Variants in SORBS2 observed in about 807,000 individuals in gnomAD.
The protein encoded by SORBS2 is sorbin and SH3 domain-containing protein 2.
Under a neutral mutation model 97.7 loss-of-function variants are expected in SORBS2, and 46 were observed. The ratio of observed to expected loss-of-function variants is 0.47; its 90% CI spans 0.37 to 0.60. SORBS2 has a LOEUF of 0.60. Among genes scored for constraint, SORBS2 ranks in the 20% least tolerant of loss-of-function variants. SORBS2 has a pLI of 0.00. For missense variants in SORBS2, 1,316 were observed against 1,282.3 expected, an observed-to-expected ratio of 1.03 and a Z score of -0.40; for synonymous variants, 476 against 473.4, an observed-to-expected ratio of 1.01 and a Z score of -0.07.
Position 185,924,913 on chromosome 4 carries a change from C to A in SORBS2, c.-338+31283G>T, listed in dbSNP as rs897195. Among the ~76,000 whole-genome samples, 847 of 152,228 alleles carry A rather than the reference C, an allele frequency of 5.6e-3. 9 individuals are homozygous for A. Among genetic ancestry groups the A allele is most frequent in the African/African-American group, 0.02 (811 of 41,540 alleles). ...GTGTCCGTGTCATTAATCCTATCGGCGTGAGACCAAGAACCCTGGTGTTCC... is the reference window on the plus strand; with the variant it reads ...GTGTCCGTGTCATTAATCCTATCGGAGTGAGACCAAGAACCCTGGTGTTCC... On this transcript the variant is annotated intron_variant, in intron 1 of 20. Coordinates refer to the SORBS2 transcript ENST00000284776.
intron 1 of SORBS2, chr4:185,894,239 G>T (rs1490335802): frequency 7.2e-6 from 1 of 139,762 alleles, no homozygotes; most frequent in Non-Finnish European, 1.5e-5. Flanking sequence ...AGAGCAAAAG[G>T]ATCAAACACA....
chr4:185,625,680 G>T (rs1581242948), intron 6 of SORBS2, among the ~76,000 whole-genome samples: 1 of 152,350 alleles, frequency 6.6e-6, no homozygotes, highest in East Asian at 1.9e-4. Flanking sequence ...AGTTGAATCT[G>T]ATAAGGCATC....
chr4:185,937,169 CAGTG>C (rs75789532), intron 1 of SORBS2, among the ~76,000 whole-genome samples: 12,366 of 151,636 alleles, frequency 0.082, 564 homozygotes, highest in Non-Finnish European at 0.11. Context: ...GTGCTTCTGC[CAGTG>C]AGTGAGTGAG....
chr4:185,881,852 T>C (rs1579309972), intron 1 of SORBS2, among the ~76,000 whole-genome samples: 1 of 152,170 alleles, frequency 6.6e-6, no homozygotes, highest in African/African-American at 2.4e-5. Flanking sequence ...AAGTATAAAA[T>C]TGTTAATGTT....
intron 5 of SORBS2, among the ~76,000 whole-genome samples, chr4:185,629,463 C>T (rs2096869693): frequency 6.6e-6 from 1 of 151,114 alleles, no homozygotes; most frequent in Non-Finnish European, 1.5e-5. Context: ...ATTAATGCTA[C>T]TAGATAAATA....
intron 3 of SORBS2, among the ~76,000 whole-genome samples, chr4:185,648,521 C>T (rs1296926670): frequency 1.3e-5 from 2 of 151,702 alleles, no homozygotes; most frequent in Admixed American, 6.6e-5. Context: ...CAGGCATGAG[C>T]CACCACGCCT....
At chr4:185,627,481 G>A (rs1439657052) in intron 5 of SORBS2, among the ~76,000 whole-genome samples, 3 of 152,218 alleles carry the variant, frequency 2.0e-5, no homozygotes, top group African/African-American at 7.2e-5. Context: ...GTCTCCTGAA[G>A]TGTTGGGATT....
chr4:185,786,749 G>T (rs1378332631), intron 1 of SORBS2, among the ~76,000 whole-genome samples: 1 of 152,134 alleles, frequency 6.6e-6, no homozygotes, highest in Non-Finnish European at 1.5e-5. Context: ...ATCACTTGAG[G>T]TCAGGAGTTC....
At chr4:185,678,063 G>T (rs533129721) in intron 4 of SORBS2, among the ~76,000 whole-genome samples, 9 of 152,098 alleles carry the variant, frequency 5.9e-5, no homozygotes, top group Non-Finnish European at 1.2e-4. Context: ...AGCCCTTTTA[G>T]TTAATATAAT....
chr4:185,774,988 A>G (rs1033037799), intron 2 of SORBS2: 12 of 151,840 alleles, frequency 7.9e-5, no homozygotes, highest in African/African-American at 2.9e-4. Context: ...CCTCTGATCC[A>G]TGGCTTAGTC....
chr4:185,877,883 A>AAAAGAAAG (rs2099234530), intron 1 of SORBS2, among the ~76,000 whole-genome samples: 1 of 145,176 alleles, frequency 6.9e-6, no homozygotes, highest in African/African-American at 2.6e-5. Context: ...ACAAAAAAAA[A>AAAAGAAAG]AAAGAAAGAA....
Position 185,756,429 on chromosome 4 carries a change from T to TTC in SORBS2, c.-198+18796_-198+18797dup, listed in dbSNP as rs375987196. 3.3e-4 allele frequency among the ~76,000 whole-genome samples: 51 copies of TTC among 152,330 alleles called. 1 individual carries two copies. Among genetic ancestry groups the TTC allele is most frequent in the African/African-American group, 1.2e-3 (48 of 41,572 alleles). On this transcript the variant is annotated intron_variant, in intron 2 of 20. Coordinates refer to the SORBS2 transcript ENST00000284776. The stretch of plus-strand genomic sequence containing the variant: ...TCACTCTTCTGTTCTAGGATCTTGG[T>TTC]TCTAGGTAACTCATTCTCCAGAAAG...
chr4:185,682,052 T>C (rs943516394), intron 2 of SORBS2, among the ~76,000 whole-genome samples: 5 of 152,266 alleles, frequency 3.3e-5, no homozygotes, highest in African/African-American at 1.2e-4. Flanking sequence ...GAGTGCCTAC[T>C]GTGTTTCTAT....
intron 1 of SORBS2, among the ~76,000 whole-genome samples, chr4:185,927,164 A>T (rs2099264121): frequency 6.7e-6 from 1 of 148,846 alleles, no homozygotes; most frequent in Non-Finnish European, 1.5e-5. Context: ...ATTTACATAC[A>T]TAAGGTATAC....
intron 1 of SORBS2, chr4:185,775,702 C>T (rs2098996682): frequency 1.3e-5 from 2 of 152,182 alleles, no homozygotes; most frequent in South Asian, 4.2e-4. Context: ...AATGAATTAC[C>T]TGATTCACTG....
At chr4:185,711,561 G>T (rs1415870339) in intron 2 of SORBS2, among the ~76,000 whole-genome samples, 1 of 152,086 alleles carries the variant, frequency 6.6e-6, no homozygotes. Flanking sequence ...CTAATCTTTG[G>T]TGTCTAACAT....
intron 2 of SORBS2, among the ~76,000 whole-genome samples, chr4:185,750,338 G>A (rs972173715): frequency 1.3e-5 from 2 of 152,152 alleles, no homozygotes; most frequent in Admixed American, 6.5e-5. Flanking sequence ...TCATAATCCC[G>A]ACAACACTGT....
chr4:185,898,631 T>C (rs1037081283), intron 1 of SORBS2, among the ~76,000 whole-genome samples: 1 of 152,182 alleles, frequency 6.6e-6, no homozygotes, highest in African/African-American at 2.4e-5. Context: ...AGCGGCTACG[T>C]TGATTTGCAT....
intron 2 of SORBS2, among the ~76,000 whole-genome samples, chr4:185,726,133 G>A (rs2098553259): frequency 6.6e-6 from 1 of 152,164 alleles, no homozygotes; most frequent in African/African-American, 2.4e-5. Flanking sequence ...CGAGGCAGGT[G>A]TGATTTTGAT....
Sources: allele counts gnomAD v4.1 joint callset (sites outside exome capture counted in the v4.1 genomes callset), GRCh38; gene constraint gnomAD v4.1.1; transcripts MANE v1.5; gene names NCBI Gene and HGNC (gene_info 2026-07-23, HGNC 2026-07-21).